The following METTL25 variants were observed in gnomAD, a reference collection of about 807,000 sequenced individuals.
METTL25 encodes the protein methyltransferase like 25, also known as probable methyltransferase-like protein 25.
In METTL25, 64 loss-of-function variants were observed where a neutral mutation model predicts 71.6. The ratio of observed to expected loss-of-function variants is 0.89; its 90% confidence interval spans 0.73 to 1.10. METTL25 has a LOEUF of 1.10. Among genes scored for constraint, METTL25 ranks in the 50% least tolerant of loss-of-function variants. The probability of loss-of-function intolerance (pLI) is 0.00; values close to 1 mark genes in which losing one functional copy is unlikely to be tolerated. For missense variants in METTL25, 807 were observed against 707.0 expected (o/e 1.14, Z -1.60); for synonymous variants, 287 against 250.3 (o/e 1.15, Z -1.38).
rs550507484 is a variant in METTL25 at position 82,444,771 on chromosome 12, A to T, written c.1478+5980A>T. Among the ~76,000 whole-genome samples the T allele has an allele frequency of 1.3e-3, 191 of 152,198 alleles. 10 individuals carry two copies. The South Asian group carries it at 0.038, about 31-fold the overall frequency. On this transcript the variant is annotated intron_variant, in intron 8 of 11. Transcript: ENST00000248306. The stretch of plus-strand genomic sequence containing the variant: ...ACAAAATTATTAAAAGATATAGAGT[A>T]GCTAAATGGATCAAAAAAACAAGAC...
chr12:82,406,089 T>C (rs950211502), intron 5 of METTL25, among the ~76,000 whole-genome samples: 1 of 152,066 alleles, frequency 6.6e-6, no homozygotes, highest in Non-Finnish European at 1.5e-5. Context: ...TGGAAAGAGA[T>C]AGGAAAAATA....
At chr12:82,470,162 G>T (rs976830494) in intron 9 of METTL25, among the ~76,000 whole-genome samples, 3 of 152,162 alleles carry the variant, frequency 2.0e-5, no homozygotes, top group Admixed American at 6.5e-5. Context: ...TCTGATTTGA[G>T]ACTTTATTTG....
chr12:82,442,649 T>C (rs553217797), intron 8 of METTL25, among the ~76,000 whole-genome samples: 1 of 152,268 alleles, frequency 6.6e-6, no homozygotes, highest in South Asian at 2.1e-4. Context: ...GGAAGTGTTC[T>C]GTATCTTGGC....
chr12:82,365,243 A>C (rs1882429935), intron 1 of METTL25, among the ~76,000 whole-genome samples: 1 of 152,186 alleles, frequency 6.6e-6, no homozygotes, highest in Non-Finnish European at 1.5e-5. Context: ...ATATGATCCA[A>C]CTAATAGATT....
chr12:82,400,657 C>A (rs982671751), intron 4 of METTL25, among the ~76,000 whole-genome samples: 4 of 151,962 alleles, frequency 2.6e-5, no homozygotes, highest in Non-Finnish European at 5.9e-5. Flanking sequence ...AATATATGAT[C>A]AAAACTGTAT....
chr12:82,387,931 A>T (rs1047742221), intron 2 of METTL25, among the ~76,000 whole-genome samples: 2 of 152,076 alleles, frequency 1.3e-5, no homozygotes, highest in Non-Finnish European at 2.9e-5. Context: ...TTTTCCAAGA[A>T]TATCTTTTAG....
At chr12:82,459,802 T>A (rs929220550) in intron 9 of METTL25, 5 of 152,148 alleles carry the variant, frequency 3.3e-5, no homozygotes, top group African/African-American at 1.2e-4. Flanking sequence ...CTTAGGAAGA[T>A]CAGTTACATG....
intron 3 of METTL25, among the ~76,000 whole-genome samples, chr12:82,391,066 C>T (rs1468870617): frequency 6.6e-6 from 1 of 152,072 alleles, no homozygotes; most frequent in Admixed American, 6.6e-5. Context: ...GCCCTAAAGA[C>T]AGAAAATTCA....
intron 8 of METTL25, among the ~76,000 whole-genome samples, chr12:82,443,462 C>CAAAAAAAAAAAAAAAAAAAAAAAA (rs67737833): frequency 1.0e-5 from 1 of 96,614 alleles, no homozygotes; most frequent in Non-Finnish European, 2.2e-5. Context: ...CAGAGGAGAC[C>CAAAAAAAAAAAAAAAAAAAAAAAA]AAAAAAAAAA....
At chr12:82,430,822 G>T in intron 5 of METTL25, 71 bp from the exon 6 acceptor site, 3 of 798,680 alleles carry the variant, frequency 3.8e-6, no homozygotes, top group South Asian at 1.8e-5. Context: ...TGCTTTCTTG[G>T]TAGATTATTT....
intron 8 of METTL25, among the ~76,000 whole-genome samples, chr12:82,450,117 C>A (rs576929861): frequency 6.6e-6 from 1 of 152,080 alleles, no homozygotes; most frequent in African/African-American, 2.4e-5. Flanking sequence ...TCACCTTTCA[C>A]TCTTGTTCTT....
intron 5 of METTL25, among the ~76,000 whole-genome samples, chr12:82,421,328 GATAA>G (rs759334126): frequency 6.6e-6 from 1 of 152,104 alleles, no homozygotes; most frequent in Non-Finnish European, 1.5e-5. Flanking sequence ...AAATTTAGGA[GATAA>G]ATAAACAGGA....
chr12:82,415,390 A>G (rs1887889184), intron 5 of METTL25, among the ~76,000 whole-genome samples: 2 of 152,124 alleles, frequency 1.3e-5, no homozygotes, highest in Non-Finnish European at 2.9e-5. Flanking sequence ...TGGAGATGAG[A>G]AGTAGAAAAA....
intron 5 of METTL25, among the ~76,000 whole-genome samples, chr12:82,421,273 A>G (rs1888463103): frequency 6.6e-6 from 1 of 152,184 alleles, no homozygotes; most frequent in Non-Finnish European, 1.5e-5. Context: ...GTACCAGTCC[A>G]GGTAGTTTGG....
intron 9 of METTL25, among the ~76,000 whole-genome samples, chr12:82,471,320 GCCT>G (rs1424315673): frequency 1.3e-5 from 2 of 152,206 alleles, no homozygotes; most frequent in East Asian, 3.9e-4. Flanking sequence ...CTCTAGCCCT[GCCT>G]CCTCATGTTT....
Position 82,387,485 on chromosome 12 carries a change from A to C in METTL25, c.424+518A>C, listed in dbSNP as rs145338430. Among the ~76,000 whole-genome samples the C allele has an allele frequency of 9.9e-3, 1,502 of 152,198 alleles. 24 individuals carry two copies. The highest frequency in any genetic ancestry group is 0.034 in the African/African-American group (1,416 of 41,538). On this transcript the variant is annotated intron_variant, in intron 2 of 11. Transcript: ENST00000248306. ...TCTACATGCCAATTAAAAGGCAGAG[A>C]TCAGAAGGCTGTGGTTAAAAAAAAA...
chr12:82,421,166 C>T (rs544647875), intron 5 of METTL25, among the ~76,000 whole-genome samples: 6 of 152,108 alleles, frequency 3.9e-5, no homozygotes, highest in South Asian at 2.1e-4. Context: ...CTGGCCCTGA[C>T]GAGGTTTACA....
intron 9 of METTL25, among the ~76,000 whole-genome samples, chr12:82,461,621 A>C (rs556001120): frequency 6.6e-6 from 1 of 152,274 alleles, no homozygotes. Flanking sequence ...ACCTACGAGA[A>C]AAAAAATAAA....
intron 7 of METTL25, among the ~76,000 whole-genome samples, chr12:82,436,189 T>G (rs1015821058): frequency 3.3e-5 from 5 of 151,418 alleles, no homozygotes; most frequent in Non-Finnish European, 1.5e-5. Flanking sequence ...TAAACCTGCA[T>G]GAGAATGATA....
Sources: allele counts gnomAD v4.1 joint callset (sites outside exome capture counted in the v4.1 genomes callset), GRCh38; gene constraint gnomAD v4.1.1; transcripts MANE v1.5; gene names NCBI Gene and HGNC (gene_info 2026-07-23, HGNC 2026-07-21).